ADGRL3: variants seen among roughly 807,000 people sequenced by gnomAD.
ADGRL3 encodes adhesion G protein-coupled receptor L3.
A neutral mutation model predicts 153.5 loss-of-function variants in ADGRL3; 62 were observed. The ratio of observed to expected loss-of-function variants is 0.40; its 90% CI spans 0.33 to 0.50. ADGRL3 has a LOEUF of 0.50. ADGRL3 is among the 20% of genes least tolerant of loss of function. The pLI is 0.47. For synonymous variants in ADGRL3, 710 were observed against 672.5 expected (o/e 1.06, Z -0.86); for missense variants, 1,641 against 1,859.4 (o/e 0.88, Z 2.16).
intron 8 of ADGRL3, among the ~76,000 whole-genome samples, chr4:61,793,181 T>A (rs2097365222): frequency 6.6e-6 from 1 of 151,904 alleles, no homozygotes; most frequent in Non-Finnish European, 1.5e-5. Flanking sequence ...TCCCAGCAAT[T>A]TGGGAGGCCG....
At chr4:61,898,291 T>C (rs776793702) in intron 11 of ADGRL3, among the ~76,000 whole-genome samples, 5 of 152,128 alleles carry the variant, frequency 3.3e-5, no homozygotes, top group Non-Finnish European at 5.9e-5. Flanking sequence ...TTCTTCTTTT[T>C]CCCATTGAAT....
intron 1 of ADGRL3, among the ~76,000 whole-genome samples, chr4:61,274,743 G>A (rs751798811): frequency 5.9e-5 from 9 of 151,992 alleles, no homozygotes; most frequent in Non-Finnish European, 1.3e-4. Context: ...GGGCAACATA[G>A]CAAGACCTTG....
chr4:61,407,343 C>CT, intron 2 of ADGRL3, among the ~76,000 whole-genome samples: 2 of 152,110 alleles, frequency 1.3e-5, no homozygotes, highest in Admixed American at 1.3e-4. Flanking sequence ...TATTAGTTTT[C>CT]TTTTTTCTCA....
chr4:61,323,481 A>C (rs2095406256), intron 1 of ADGRL3, among the ~76,000 whole-genome samples: 1 of 152,170 alleles, frequency 6.6e-6, no homozygotes, highest in Admixed American at 6.5e-5. Context: ...AATGCCTTCA[A>C]CAGCACCCAA....
chr4:61,439,089 A>G (rs2097495187), intron 2 of ADGRL3, among the ~76,000 whole-genome samples: 1 of 152,142 alleles, frequency 6.6e-6, no homozygotes, highest in Non-Finnish European at 1.5e-5. Context: ...AGTATATAAT[A>G]TTATAGAGCA....
intron 17 of ADGRL3, among the ~76,000 whole-genome samples, chr4:61,968,804 C>T (rs2099016118): frequency 6.6e-6 from 1 of 152,072 alleles, no homozygotes; most frequent in Admixed American, 6.6e-5. Flanking sequence ...CATTTATAGG[C>T]TGAATGGAAT....
At chr4:61,369,313 T>A (rs1489701858) in intron 1 of ADGRL3, among the ~76,000 whole-genome samples, 3 of 152,246 alleles carry the variant, frequency 2.0e-5, no homozygotes, top group Non-Finnish European at 2.9e-5. Flanking sequence ...ATGCCAGTTT[T>A]CAAAGGGAAT....
chr4:61,228,284 T>G (rs1411994439), intron 1 of ADGRL3, among the ~76,000 whole-genome samples: 1 of 152,190 alleles, frequency 6.6e-6, no homozygotes, highest in African/African-American at 2.4e-5. Context: ...ATGTTACCAT[T>G]TGAGAAAAGG....
chr4:61,891,918 A>G (rs2098589841), intron 9 of ADGRL3, among the ~76,000 whole-genome samples: 1 of 152,232 alleles, frequency 6.6e-6, no homozygotes, highest in Non-Finnish European at 1.5e-5. Flanking sequence ...CAATTACCTA[A>G]CAAAGAACCT....
chr4:61,879,083 G>T (rs980908214), intron 9 of ADGRL3, among the ~76,000 whole-genome samples: 1 of 152,100 alleles, frequency 6.6e-6, no homozygotes, highest in Non-Finnish European at 1.5e-5. Context: ...AGAATTTGAA[G>T]AAATATTTTT....
intron 2 of ADGRL3, among the ~76,000 whole-genome samples, chr4:61,430,413 A>C (rs907669235): frequency 6.6e-6 from 1 of 152,190 alleles, no homozygotes; most frequent in Admixed American, 6.5e-5. Flanking sequence ...AATAAAATAT[A>C]CATGAACTAG....
chr4:61,281,460 G>T lies in ADGRL3; in HGVS notation c.-240+79695G>T, dbSNP rs528223067. Among the ~76,000 whole-genome samples, 102 of 152,126 alleles carry T rather than the reference G, an allele frequency of 6.7e-4. 1 individual carries two copies. Among genetic ancestry groups the T allele is most frequent in the Non-Finnish European group, 1.1e-3 (75 of 68,010 alleles). ...TATTTTAAGAGGACTTACAATGCTT[G>T]CAGGTAGCTTTATTTTATTGCATTT... On this transcript the variant is annotated intron_variant, in intron 1 of 26. Transcript: ENST00000683033.
intron 8 of ADGRL3, among the ~76,000 whole-genome samples, chr4:61,789,356 A>G (rs2097314141): frequency 6.6e-6 from 1 of 152,098 alleles, no homozygotes; most frequent in African/African-American, 2.4e-5. Flanking sequence ...GAGAGAAGAA[A>G]TGTTCTGAGG....
At chr4:61,918,388 A>G (rs990656937) in intron 13 of ADGRL3, among the ~76,000 whole-genome samples, 6 of 152,216 alleles carry the variant, frequency 3.9e-5, no homozygotes, top group Non-Finnish European at 5.9e-5. Context: ...TAAATATACA[A>G]GCATGGTGTT....
rs540889577 is a variant in ADGRL3, at chr4:61,919,006, G to A, written c.2112+6249G>A. 3.9e-5 allele frequency among the ~76,000 whole-genome samples: 6 copies of A among 152,196 alleles called. No individual in the cohort carries two copies. In the South Asian group the frequency reaches 1.0e-3, roughly 26 times the overall value. ...TGAGTATTTTCAAGTTCCTTGTTTGGTCACTTAATTGGCTATGTGACAAAG... is the reference window on the plus strand; with the variant it reads ...TGAGTATTTTCAAGTTCCTTGTTTGATCACTTAATTGGCTATGTGACAAAG... On this transcript the variant is annotated intron_variant, in intron 13 of 26. Transcript: ENST00000683033.
chr4:61,743,214 G>A (rs568889766), intron 8 of ADGRL3, among the ~76,000 whole-genome samples: 9 of 151,274 alleles, frequency 5.9e-5, no homozygotes, highest in Non-Finnish European at 1.0e-4. Flanking sequence ...TAGCTACTCA[G>A]GAAGCTGTGG....
At chr4:61,759,188 C>A (rs960107901) in intron 8 of ADGRL3, among the ~76,000 whole-genome samples, 1 of 151,938 alleles carries the variant, frequency 6.6e-6, no homozygotes, top group Non-Finnish European at 1.5e-5. Context: ...TTTTGGTGTT[C>A]TCTGTATTTC....
intron 4 of ADGRL3, among the ~76,000 whole-genome samples, chr4:61,566,637 T>G (rs1458506687): frequency 6.6e-6 from 1 of 152,150 alleles, no homozygotes; most frequent in African/African-American, 2.4e-5. Context: ...ATACTTTTAG[T>G]GTATCTGATG....
chr4:61,568,387 T>G (rs1207600895), intron 4 of ADGRL3, among the ~76,000 whole-genome samples: 1 of 152,176 alleles, frequency 6.6e-6, no homozygotes, highest in Non-Finnish European at 1.5e-5. Context: ...AATCTTTATA[T>G]TCAGTGGATC....
Sources: gnomAD v4.1 joint callset for allele counts (sites outside exome capture counted in the v4.1 genomes callset) on GRCh38, gnomAD v4.1.1 for gene constraint, MANE v1.5 for transcripts, NCBI Gene and HGNC (gene_info 2026-07-23, HGNC 2026-07-21) for gene names.